The following SLC16A12 variants were observed in gnomAD, a reference collection of about 807,000 sequenced individuals.
SLC16A12 encodes solute carrier family 16 member 12.
A neutral mutation model predicts 42.4 loss-of-function variants in SLC16A12; 17 were observed. The ratio of observed to expected loss-of-function variants is 0.40; its 90% CI spans 0.27 to 0.60. The LOEUF is 0.60. SLC16A12 is among the 20% of genes least tolerant of loss of function. The pLI is 0.42. For synonymous variants in SLC16A12, 224 were observed against 229.4 expected, an observed-to-expected ratio of 0.98 and a Z score of 0.21; for missense variants, 544 against 623.0, an observed-to-expected ratio of 0.87 and a Z score of 1.35.
At chr10:89,499,457 G>A (rs1842965615) in intron 2 of SLC16A12, among the ~76,000 whole-genome samples, 1 of 152,182 alleles carries the variant, frequency 6.6e-6, no homozygotes, top group Admixed American at 6.5e-5. Context: ...GGGAGGCTGA[G>A]GCAGGAGAAT....
At chr10:89,520,450 G>A (rs1843333120) in intron 2 of SLC16A12, among the ~76,000 whole-genome samples, 1 of 152,154 alleles carries the variant, frequency 6.6e-6, no homozygotes. Context: ...ACTTCTTCAT[G>A]AGGTTCAAAT....
intron 2 of SLC16A12, among the ~76,000 whole-genome samples, chr10:89,508,804 A>G (rs1297219112): frequency 6.6e-6 from 1 of 152,218 alleles, no homozygotes; most frequent in Admixed American, 6.5e-5. Context: ...GGTTTTTTGA[A>G]AAGATCAATA....
At chr10:89,525,214 C>G (rs529862821) in intron 2 of SLC16A12, among the ~76,000 whole-genome samples, 91 of 115,546 alleles carry the variant, frequency 7.9e-4, no homozygotes, top group African/African-American at 3.1e-3. Flanking sequence ...GAACGAGACA[C>G]CATATCAAAA....
intron 3 of SLC16A12, among the ~76,000 whole-genome samples, chr10:89,451,480 C>T (rs868710458): frequency 6.6e-6 from 1 of 152,066 alleles, no homozygotes; most frequent in East Asian, 1.9e-4. Flanking sequence ...GATGCAATCT[C>T]GGGTCACTGC....
chr10:89,435,425 G>A lies in SLC16A12; in HGVS notation c.1288+635C>T, dbSNP rs147245524. ...TGAAAACTTCTTCCTTGCCCCCAGA[G>A]CTCATCTTTATTTCTGCTGCAGCAG... On this transcript the variant is annotated intron_variant, in intron 7 of 7. Transcript: ENST00000371790. Among the ~76,000 whole-genome samples, 29 of 152,130 alleles carry A rather than the reference G, an allele frequency of 1.9e-4. 1 individual carries two copies. The East Asian group carries it at 5.6e-3, about 29-fold the overall frequency.
At chr10:89,529,147 G>A (rs941289010) in intron 2 of SLC16A12, among the ~76,000 whole-genome samples, 4 of 151,910 alleles carry the variant, frequency 2.6e-5, no homozygotes, top group Admixed American at 6.6e-5. Context: ...TGGTTCCTTC[G>A]GGGGCTATGA....
chr10:89,443,698 T>C (rs1476400045), intron 4 of SLC16A12, 58 bp downstream of exon 4: 1 of 1,221,708 alleles, frequency 8.2e-7, no homozygotes, highest in Middle Eastern at 1.9e-4. Flanking sequence ...TGGAATGTCA[T>C]TGTCATATAC....
upstream of SLC16A12, among the ~76,000 whole-genome samples, chr10:89,540,231 T>C (rs555517163): frequency 1.3e-5 from 2 of 152,192 alleles, no homozygotes; most frequent in Non-Finnish European, 2.9e-5. Flanking sequence ...CCCAAGTAGC[T>C]GGGACTACAG....
At chr10:89,518,750 C>T (rs1262895617) in intron 2 of SLC16A12, among the ~76,000 whole-genome samples, 1 of 152,126 alleles carries the variant, frequency 6.6e-6, no homozygotes, top group Non-Finnish European at 1.5e-5. Flanking sequence ...TACTCTGAGG[C>T]CCAGCCCCCA....
At chr10:89,444,413 TATC>T (rs1841965256) in intron 3 of SLC16A12, among the ~76,000 whole-genome samples, 1 of 152,128 alleles carries the variant, frequency 6.6e-6, no homozygotes, top group Admixed American at 6.5e-5. Flanking sequence ...AATAGCCAAA[TATC>T]ATAACCAATG....
chr10:89,514,091 G>A (rs549249207), intron 2 of SLC16A12, among the ~76,000 whole-genome samples: 8 of 152,260 alleles, frequency 5.3e-5, no homozygotes, highest in Non-Finnish European at 8.8e-5. Flanking sequence ...GCTAAATGGC[G>A]GATTCAGATT....
intron 2 of SLC16A12, among the ~76,000 whole-genome samples, chr10:89,472,035 T>C (rs1842502848): frequency 6.6e-6 from 1 of 152,212 alleles, no homozygotes; most frequent in African/African-American, 2.4e-5. Flanking sequence ...TATTTGTGGA[T>C]ATATGTGTTA....
chr10:89,542,297 T>C (rs534271824), intron 2 of SLC16A12, among the ~76,000 whole-genome samples: 2 of 116,856 alleles, frequency 1.7e-5, no homozygotes, highest in South Asian at 2.5e-4. Context: ...TTATATTTTC[T>C]TTTTTTTTCT....
At chr10:89,539,279 T>C (rs1302242574), upstream of SLC16A12, among the ~76,000 whole-genome samples, 1 of 152,234 alleles carries the variant, frequency 6.6e-6, no homozygotes, top group Non-Finnish European at 1.5e-5. Flanking sequence ...TGTGGTCAGC[T>C]GATCTGGTAC....
At chr10:89,535,648 A>T (rs1008295961), upstream of SLC16A12, 1 of 146,586 alleles carries the variant, frequency 6.8e-6, no homozygotes, top group Non-Finnish European at 1.5e-5. Context: ...CCCTCCTGCC[A>T]CACCCGCCCC....
At chr10:89,551,194 C>T (rs1045269828) in intron 2 of SLC16A12, among the ~76,000 whole-genome samples, 3 of 152,102 alleles carry the variant, frequency 2.0e-5, no homozygotes, top group African/African-American at 7.2e-5. Context: ...GTAATCCTAA[C>T]AATTTGGGAG....
At chr10:89,508,816 A>C (rs1486643452) in intron 2 of SLC16A12, among the ~76,000 whole-genome samples, 1 of 152,212 alleles carries the variant, frequency 6.6e-6, no homozygotes, top group Non-Finnish European at 1.5e-5. Flanking sequence ...AGATCAATAA[A>C]TAGATAGACT....
Position 89,436,061 on chromosome 10 carries a change from T to G in SLC16A12, c.1287A>C (p.Ala429=). The change falls in exon 7 of 8, where the codon GCA becomes GCC. Residue 429 remains alanine, a splice_region_variant and synonymous_variant. Coordinates refer to ENST00000371790, the MANE Select transcript of SLC16A12 (RefSeq NM_213606.4). ...TGGGGTTTCTCTCTGGAAACTTACCTGCGATGGGTGGGCTCACCAAGTATG... is the reference window on the plus strand; with the variant it reads ...TGGGGTTTCTCTCTGGAAACTTACCGGCGATGGGTGGGCTCACCAAGTATG... ...AVPYLVSPPI[A]GRLVDTTGSY... is the part of the protein sequence containing the mutation. 6.2e-7 allele frequency: 1 copy of G among 1,613,816 alleles called. No homozygotes were observed. The highest frequency in any genetic ancestry group is 2.2e-5 in the East Asian group (1 of 44,888).
At position 89,531,177 on chromosome 10, in the gene SLC16A12, G is replaced by A. The variant is rs762029983; in HGVS notation, c.-47+3324C>T. Among the ~76,000 whole-genome samples, 9 of 151,928 alleles carry A rather than the reference G, an allele frequency of 5.9e-5. 1 individual carries two copies. The highest frequency in any genetic ancestry group is 1.5e-5 in the Non-Finnish European group (1 of 68,006). ...GGCCAAGGCAGGCAGATCACCTGAG[G>A]TCAGGAGTTCGAGACCAGCCTTGCC... On this transcript the variant is annotated intron_variant, in intron 2 of 7. Coordinates refer to ENST00000371790, the MANE Select transcript of SLC16A12 (RefSeq NM_213606.4).
Sources: gnomAD v4.1 joint callset for allele counts (sites outside exome capture counted in the v4.1 genomes callset) on GRCh38, gnomAD v4.1.1 for gene constraint, MANE v1.5 for transcripts, NCBI Gene and HGNC (gene_info 2026-07-23, HGNC 2026-07-21) for gene names.